PLA2G6: variants seen among roughly 807,000 people sequenced by gnomAD.
The protein encoded by PLA2G6 is 85/88 kDa calcium-independent phospholipase A2.
PLA2G6 carries 62 observed loss-of-function variants against 83.8 expected under a neutral mutation model. That is an observed-to-expected ratio of 0.74 (90% CI 0.60 to 0.91). The LOEUF (loss-of-function observed/expected upper bound fraction) is 0.91. PLA2G6 is among the 40% of genes least tolerant of loss of function. The probability of loss-of-function intolerance (pLI) is 0.00; values close to 1 mark genes in which losing one functional copy is unlikely to be tolerated. For synonymous variants in PLA2G6, 417 were observed against 449.8 expected (o/e 0.93, Z 0.92); for missense variants, 944 against 1,102.0 (o/e 0.86, Z 2.03).
intron 2 of PLA2G6, among the ~76,000 whole-genome samples, chr22:38,166,314 C>T (rs132977): frequency 6.6e-6 from 1 of 151,978 alleles, no homozygotes; most frequent in Non-Finnish European, 1.5e-5. Context: ...TGGCACAGCC[C>T]GTTGCAATGA....
chr22:38,134,969 C>CCCCCAA lies in PLA2G6; in HGVS notation c.894+18_894+19insTTGGGG. 2.1e-6 allele frequency: 3 copies of CCCCCAA among 1,415,008 alleles called. No individual in the cohort carries two copies. The highest frequency in any genetic ancestry group is 3.0e-6 in the Non-Finnish European group (3 of 1,001,086). 87.7% of individuals were successfully genotyped at this position (1,415,008 alleles called of 1,614,324 possible). A position where few individuals can be genotyped will look rare whatever the true frequency, so the allele number is the denominator to read the frequency against. ...GGCCCGGCCCCCTGCCCCACCCACCCACCTCAGGATCCACTCACCTCTGCG... is the reference window on the plus strand; with the variant it reads ...GGCCCGGCCCCCTGCCCCACCCACCCCCCCAAACCTCAGGATCCACTCACCTCTGCG... On this transcript the variant is annotated intron_variant, in intron 6 of 16. Transcript: ENST00000332509.
Position 38,112,207 on chromosome 22 carries a change from T to C in PLA2G6, c.2375A>G (p.His792Arg), listed in dbSNP as rs893021938. 1.9e-6 allele frequency: 3 copies of C among 1,608,830 alleles called. No homozygotes were observed. In the African/African-American group the frequency reaches 4.0e-5, roughly 22 times the overall value. ...GATGAGCTTCTGGAACTCCTCGCGG[T>C]GCTCATAGATGTAGACCTCGGTCTC... The part of the protein sequence containing the change: ...LWETEVYIYE[H>R]REEFQKLIQL... The change falls in exon 17 of 17, where the codon CAC becomes CGC. Residue 792 changes from histidine to arginine, a missense_variant. Coordinates refer to ENST00000332509, the MANE Select transcript of PLA2G6 (RefSeq NM_003560.4).
intron 11 of PLA2G6, 66 bp from the exon 12 acceptor site, chr22:38,120,975 C>T: frequency 6.3e-7 from 1 of 1,587,674 alleles, no homozygotes; most frequent in Admixed American, 1.7e-5. Flanking sequence ...GTAGAACAGC[C>T]TGCAGAGCGC....
chr22:38,137,964 A>T (rs3788534), intron 5 of PLA2G6: 51,304 of 152,196 alleles, frequency 0.34, 8,897 homozygotes, highest in South Asian at 0.42. Flanking sequence ...CTGGCTGCCA[A>T]GTCGATAAGG....
At chr22:38,127,458 C>A in intron 9 of PLA2G6, 2 of 1,330,560 alleles carry the variant, frequency 1.5e-6, no homozygotes, top group South Asian at 2.4e-5. Flanking sequence ...TGGGTGACTG[C>A]CTGCAAAATT....
At chr22:38,180,657 T>TTTCA (rs1350698114) in intron 1 of PLA2G6, among the ~76,000 whole-genome samples, 1 of 152,204 alleles carries the variant, frequency 6.6e-6, no homozygotes, top group Admixed American at 6.5e-5. Flanking sequence ...TTTCCACTCC[T>TTTCA]TTCAATTCTG....
intron 1 of PLA2G6, among the ~76,000 whole-genome samples, chr22:38,175,942 T>G (rs2090614506): frequency 6.6e-6 from 1 of 152,202 alleles, no homozygotes; most frequent in African/African-American, 2.4e-5. Context: ...CCAGCACCTC[T>G]GAAGCCCCCA....
intron 12 of PLA2G6, among the ~76,000 whole-genome samples, chr22:38,116,978 T>C (rs2087246819): frequency 6.7e-6 from 1 of 148,702 alleles, no homozygotes; most frequent in Non-Finnish European, 1.5e-5. Context: ...CTCAAAAAGG[T>C]ATTTAGAAAC....
chr22:38,155,989 T>C (rs2145875096), intron 2 of PLA2G6, among the ~76,000 whole-genome samples: 1 of 152,300 alleles, frequency 6.6e-6, no homozygotes, highest in Middle Eastern at 3.4e-3. Context: ...GAGAAAGATA[T>C]TCCATGCAAA....
At chr22:38,156,579 G>C (rs10427908) in intron 2 of PLA2G6, among the ~76,000 whole-genome samples, 1 of 151,860 alleles carries the variant, frequency 6.6e-6, no homozygotes, top group Non-Finnish European at 1.5e-5. Context: ...TCAGCCTCCT[G>C]AGTAGCTGGG....
At position 38,113,467 on chromosome 22, in the gene PLA2G6, G is replaced by C. The variant is rs2087002552; in HGVS notation, c.2202+20C>G. On this transcript the variant is annotated intron_variant, in intron 15 of 16. Transcript: ENST00000332509. Reference sequence around the variant, plus strand: ...TACAGACCCTGAGGGAAGTGGCCTGGGGGAGGGGCCCACACTCACACAGTC... The same window carrying C: ...TACAGACCCTGAGGGAAGTGGCCTGCGGGAGGGGCCCACACTCACACAGTC... The C allele has an allele frequency of 6.2e-7, 1 of 1,613,080 alleles. No homozygotes were observed. The highest frequency in any genetic ancestry group is 1.1e-5 in the South Asian group (1 of 91,044).
At chr22:38,135,125 G>C in intron 5 of PLA2G6, 41 bp from the exon 6 acceptor site, 1 of 1,377,746 alleles carries the variant, frequency 7.3e-7, no homozygotes, top group Non-Finnish European at 1.0e-6. Context: ...AGAAGCTAGG[G>C]TCTGCGTGGC....
At chr22:38,126,815 G>A in intron 9 of PLA2G6, 1 of 353,294 alleles carries the variant, frequency 2.8e-6, no homozygotes. Context: ...AGCCGATGCT[G>A]CAATAACCAC....
intron 5 of PLA2G6, chr22:38,135,721 C>G (rs976231922): frequency 2.0e-5 from 3 of 152,250 alleles, no homozygotes; most frequent in African/African-American, 7.2e-5. Context: ...GTAGGAATCT[C>G]GGTTCACAAG....
chr22:38,142,917 C>T, intron 4 of PLA2G6, 188 bp downstream of exon 4: 1 of 718,274 alleles, frequency 1.4e-6, no homozygotes, highest in South Asian at 1.5e-5. Context: ...GAGGACGTGG[C>T]TCCTGGAAAA....
intron 2 of PLA2G6, chr22:38,148,734 C>T (rs1031644308): frequency 3.8e-6 from 2 of 532,138 alleles, no homozygotes; most frequent in Non-Finnish European, 6.6e-6. Context: ...CTCACAGAGA[C>T]CACAGTTCAG....
chr22:38,115,768 G>C, intron 13 of PLA2G6, 87 bp from the exon 14 acceptor site: 1 of 1,510,544 alleles, frequency 6.6e-7, no homozygotes, highest in Admixed American at 2.0e-5. Context: ...TGCGTGTTGG[G>C]GGCTGGGGGT....
rs1602068837 is a variant in PLA2G6, at chr22:38,116,164, T to C, written c.1790A>G (p.His597Arg). ...TGGAGCATCGTAGTTCCGGAAGAGGTGGAGTTCAGCCGGCTGCCGGTCAGA... is the reference window on the plus strand; with the variant it reads ...TGGAGCATCGTAGTTCCGGAAGAGGCGGAGTTCAGCCGGCTGCCGGTCAGA... ...TLSDRQPAEL[H>R]LFRNYDAPET... is the part of the protein sequence containing the mutation. Residue 597 changes from histidine (H) to arginine (R), a missense_variant, in exon 13 of 17, where the codon CAC becomes CGC. Physicochemically the swap from His to Arg is conservative, Grantham distance 29. Coordinates refer to ENST00000332509, the MANE Select transcript of PLA2G6 (RefSeq NM_003560.4). The C allele has an allele frequency of 6.2e-7, 1 of 1,613,576 alleles. No individual in the cohort carries two copies. Among genetic ancestry groups the C allele is most frequent in the Non-Finnish European group, 8.5e-7 (1 of 1,179,824 alleles).
intron 2 of PLA2G6, chr22:38,146,993 C>T (rs1362805365): frequency 2.0e-5 from 3 of 152,076 alleles, no homozygotes; most frequent in East Asian, 3.9e-4. Context: ...GTTGGCCAGG[C>T]TGATCTTAAA....
Sources: allele counts gnomAD v4.1 joint callset (sites outside exome capture counted in the v4.1 genomes callset), GRCh38; gene constraint gnomAD v4.1.1; transcripts MANE v1.5; gene names NCBI Gene and HGNC (gene_info 2026-07-23, HGNC 2026-07-21).